Variants in GRM1 observed in about 807,000 individuals in gnomAD.
GRM1 encodes the protein glutamate metabotropic receptor 1.
A neutral mutation model predicts 90.9 loss-of-function variants in GRM1; 33 were observed. The observed-to-expected ratio is 0.36, with a 90% CI of 0.28 to 0.49. GRM1 has a LOEUF of 0.49. Ranked by LOEUF, GRM1 falls within the 20% of genes least tolerant of loss-of-function variation. The pLI is 0.99. For missense variants in GRM1, 1,190 were observed against 1,534.3 expected (o/e 0.78, Z 3.75); for synonymous variants, 700 against 613.2 (o/e 1.14, Z -2.09).
In GRM1 at chr6:146,399,628, C is replaced by T; in HGVS notation, c.2589C>T (p.Gly863=). The change falls in exon 7 of 8, where the codon GGC becomes GGT. Residue 863 remains glycine (G), a synonymous_variant. Transcript: ENST00000282753. This position sits in a 1 kb window ranked among gnomAD's most constrained non-coding sequence, Gnocchi z 5.4. ...SDVVRMHVGD[G]KLPCRSNTFL... Reference sequence around the variant, plus strand: ...TTGTCCGCATGCATGTTGGCGATGGCAAGCTGCCCTGCCGCTCCAACACTT... The same window carrying T: ...TTGTCCGCATGCATGTTGGCGATGGTAAGCTGCCCTGCCGCTCCAACACTT... 1.2e-6 allele frequency: 2 copies of T among 1,613,810 alleles called. No homozygotes were observed. Among genetic ancestry groups the T allele is most frequent in the Non-Finnish European group, 1.7e-6 (2 of 1,179,946 alleles).
intron 2 of GRM1, among the ~76,000 whole-genome samples, chr6:146,291,793 T>C (rs978266087): frequency 1.3e-5 from 2 of 151,994 alleles, no homozygotes; most frequent in African/African-American, 4.8e-5. Context: ...ACAACTGTTT[T>C]TGGAAAAATG....
intron 5 of GRM1, among the ~76,000 whole-genome samples, chr6:146,366,353 A>G (rs1775685830): frequency 6.6e-6 from 1 of 152,184 alleles, no homozygotes; most frequent in African/African-American, 2.4e-5. Context: ...GAATATTCCA[A>G]TTGTTCTCTT....
In GRM1 at chr6:146,240,289, C is replaced by T. The variant is rs180917566; in HGVS notation, c.951-64322C>T. On this transcript the variant is annotated intron_variant, in intron 2 of 7. Coordinates refer to ENST00000282753, the MANE Select transcript of GRM1 (RefSeq NM_001278064.2). ...TATCTGTCAGGATCCCTGCAGAATA[C>T]TCATGAGGCATCACCCAAAAGGGTA... Among the ~76,000 whole-genome samples the T allele has an allele frequency of 1.8e-3, 276 of 152,026 alleles. 2 individuals carry two copies. The highest frequency in any genetic ancestry group is 6.1e-3 in the African/African-American group (252 of 41,470).
chr6:146,385,713 T>C (rs967329718), intron 5 of GRM1, among the ~76,000 whole-genome samples: 1 of 151,982 alleles, frequency 6.6e-6, no homozygotes, highest in African/African-American at 2.4e-5. Flanking sequence ...ATTGACTGTT[T>C]AAAGCAAAAA....
intron 1 of GRM1, among the ~76,000 whole-genome samples, chr6:146,061,506 A>C (rs1030121580): frequency 6.6e-6 from 1 of 152,160 alleles, no homozygotes; most frequent in Non-Finnish European, 1.5e-5. Context: ...ACAGCAAAAG[A>C]AACTATCATA....
At chr6:146,242,932 A>G (rs1780921078) in intron 2 of GRM1, among the ~76,000 whole-genome samples, 1 of 152,140 alleles carries the variant, frequency 6.6e-6, no homozygotes. Context: ...ATCTATGGAG[A>G]ATACGTATGC....
At chr6:146,157,502 G>C (rs1401546817) in intron 1 of GRM1, among the ~76,000 whole-genome samples, 1 of 152,176 alleles carries the variant, frequency 6.6e-6, no homozygotes, top group Admixed American at 6.5e-5. Context: ...AGAAAAAAAT[G>C]CTAAAAAGGA....
At chr6:146,397,251 G>A (rs1157327517) in intron 6 of GRM1, among the ~76,000 whole-genome samples, 1 of 151,982 alleles carries the variant, frequency 6.6e-6, no homozygotes, top group Non-Finnish European at 1.5e-5. Context: ...GGGAGGCCGA[G>A]GCAGGCTGAT....
intron 2 of GRM1, among the ~76,000 whole-genome samples, chr6:146,197,044 C>A (rs1236818971): frequency 2.0e-5 from 3 of 152,090 alleles, no homozygotes; most frequent in Admixed American, 6.6e-5. Context: ...AATAAGTAGG[C>A]AAGCTAAAAT....
chr6:146,175,545 A>G (rs1438861277), intron 2 of GRM1, among the ~76,000 whole-genome samples: 2 of 152,202 alleles, frequency 1.3e-5, no homozygotes, highest in East Asian at 1.9e-4. Flanking sequence ...GGAGCAGTCT[A>G]TGAAAAACAG....
At chr6:146,347,790 A>G (rs998192767) in intron 3 of GRM1, among the ~76,000 whole-genome samples, 1 of 152,238 alleles carries the variant, frequency 6.6e-6, no homozygotes, top group Non-Finnish European at 1.5e-5. Context: ...TATGTGATTT[A>G]TACTTCAGTG....
intron 2 of GRM1, among the ~76,000 whole-genome samples, chr6:146,173,699 C>T (rs375277132): frequency 3.4e-5 from 5 of 148,836 alleles, no homozygotes; most frequent in South Asian, 2.1e-4. Context: ...CAGAGTCTCG[C>T]CCTGTTGCCC....
At chr6:146,180,041 A>G (rs1194902453) in intron 2 of GRM1, among the ~76,000 whole-genome samples, 1 of 152,012 alleles carries the variant, frequency 6.6e-6, no homozygotes, top group Non-Finnish European at 1.5e-5. Flanking sequence ...CCCAGCTACT[A>G]GGGAAGCTGA....
At chr6:146,098,498 A>G (rs746898875) in intron 1 of GRM1, among the ~76,000 whole-genome samples, 24 of 152,068 alleles carry the variant, frequency 1.6e-4, no homozygotes, top group Non-Finnish European at 2.1e-4. Flanking sequence ...ATACTTTACT[A>G]TTATAATTGT....
intron 1 of GRM1, among the ~76,000 whole-genome samples, chr6:146,034,612 A>G (rs1050241346): frequency 2.0e-5 from 3 of 151,992 alleles, no homozygotes; most frequent in Non-Finnish European, 4.4e-5. Flanking sequence ...AATTTATCTT[A>G]GTATTCCAGC....
chr6:146,141,063 G>A (rs1342169141), intron 1 of GRM1, among the ~76,000 whole-genome samples: 1 of 152,148 alleles, frequency 6.6e-6, no homozygotes, highest in Non-Finnish European at 1.5e-5. Flanking sequence ...GACATGTCTG[G>A]TGTTGATGAA....
chr6:146,397,550 T>C (rs967997379), intron 6 of GRM1, among the ~76,000 whole-genome samples: 4 of 150,912 alleles, frequency 2.7e-5, no homozygotes, highest in Non-Finnish European at 4.4e-5. Flanking sequence ...GGGATAGTTA[T>C]GCTAGGCAGA....
intron 1 of GRM1, among the ~76,000 whole-genome samples, chr6:146,087,598 C>T (rs1008727708): frequency 3.9e-5 from 6 of 152,156 alleles, no homozygotes; most frequent in African/African-American, 7.2e-5. Context: ...ACACTCTCCA[C>T]GCTTACCTCA....
Position 146,340,132 on chromosome 6 carries a change from A to G in GRM1, c.1187-12118A>G, listed in dbSNP as rs362862. Among the ~76,000 whole-genome samples, 362 of 152,320 alleles carry G rather than the reference A, an allele frequency of 2.4e-3. 9 individuals carry two copies. The East Asian group carries it at 0.04, about 17-fold the overall frequency. On this transcript the variant is annotated intron_variant, in intron 3 of 7. Coordinates refer to ENST00000282753, the MANE Select transcript of GRM1 (RefSeq NM_001278064.2). Reference sequence around the variant, plus strand: ...TTCAGGGGGCACTACTGAAAAATCAATGCCAGGTATGTACTTAGAGAAGCT... The same window carrying G: ...TTCAGGGGGCACTACTGAAAAATCAGTGCCAGGTATGTACTTAGAGAAGCT...
Sources: allele counts gnomAD v4.1 joint callset (sites outside exome capture counted in the v4.1 genomes callset), GRCh38; gene constraint gnomAD v4.1.1; non-coding constraint Gnocchi (gnomAD v3.1); transcripts MANE v1.5; gene names NCBI Gene and HGNC (gene_info 2026-07-23, HGNC 2026-07-21).